The following RBFOX2 variants were observed in gnomAD, a reference collection of about 807,000 sequenced individuals.
The protein encoded by RBFOX2 is RNA binding protein fox-1 homolog 2.
Under a neutral mutation model 49.1 loss-of-function variants are expected in RBFOX2, and 10 were observed. The ratio of observed to expected loss-of-function variants is 0.20; its 90% CI spans 0.13 to 0.35. RBFOX2 has a LOEUF of 0.35. Ranked by LOEUF, RBFOX2 falls within the 10% of genes least tolerant of loss-of-function variation. The pLI is 1.00. For missense variants in RBFOX2, 323 were observed against 486.9 expected, an observed-to-expected ratio of 0.66 and a Z score of 3.17; for synonymous variants, 183 against 187.4, an observed-to-expected ratio of 0.98 and a Z score of 0.19.
chr22:35,753,718 A>G (rs1935817985), intron 9 of RBFOX2, among the ~76,000 whole-genome samples: 1 of 150,830 alleles, frequency 6.6e-6, no homozygotes, highest in African/African-American at 2.4e-5. Context: ...AGGAAGTAAG[A>G]TAACTATTAA....
intron 1 of RBFOX2, among the ~76,000 whole-genome samples, chr22:35,899,169 T>TAACATAACATAAC (rs1569472465): frequency 1.3e-5 from 2 of 149,834 alleles, no homozygotes; most frequent in African/African-American, 2.5e-5. Flanking sequence ...TAACATAACA[T>TAACATAACATAAC]AACATAACAA....
chr22:35,961,558 C>A (rs1450939721), intron 1 of RBFOX2: 1 of 1,304,160 alleles, frequency 7.7e-7, no homozygotes, highest in Non-Finnish European at 1.0e-6. Context: ...CAACTCCCCA[C>A]CAACCTCACA....
intron 1 of RBFOX2, among the ~76,000 whole-genome samples, chr22:35,857,985 G>A (rs891732249): frequency 3.3e-5 from 5 of 152,160 alleles, no homozygotes; most frequent in African/African-American, 7.2e-5. Flanking sequence ...ACAATGCCAA[G>A]TAGAAATCTA....
rs532902260 is a variant in RBFOX2 at position 35,822,656 on chromosome 22, T to G, written c.28-12652A>C. ...GTCACTGGCAGGCTTTGTGTTAGTGTAAGCCACTAGCAAAGTGCAGAATGC... is the reference window on the plus strand; with the variant it reads ...GTCACTGGCAGGCTTTGTGTTAGTGGAAGCCACTAGCAAAGTGCAGAATGC... On this transcript the variant is annotated intron_variant, in intron 1 of 11. Transcript: ENST00000405409. Among the ~76,000 whole-genome samples the G allele has an allele frequency of 6.6e-5, 10 of 152,310 alleles. No homozygotes were observed. The East Asian group carries it at 1.9e-3, about 29-fold the overall frequency.
intron 1 of RBFOX2, among the ~76,000 whole-genome samples, chr22:35,974,711 A>G (rs1409074377): frequency 1.3e-5 from 2 of 152,110 alleles, no homozygotes; most frequent in Admixed American, 6.6e-5. Context: ...CAACAACAAC[A>G]AAAACAGGCT....
At chr22:35,822,502 CGTACTG>C (rs1954742953) in intron 1 of RBFOX2, among the ~76,000 whole-genome samples, 1 of 152,144 alleles carries the variant, frequency 6.6e-6, no homozygotes, top group Admixed American at 6.5e-5. Context: ...ATGATCCTCA[CGTACTG>C]GTAACCCAGG....
intron 1 of RBFOX2, among the ~76,000 whole-genome samples, chr22:35,917,866 G>A (rs1432585118): frequency 6.6e-6 from 1 of 152,190 alleles, no homozygotes; most frequent in Non-Finnish European, 1.5e-5. Context: ...GGTCATGACA[G>A]TACATGTTCT....
intron 2 of RBFOX2, among the ~76,000 whole-genome samples, chr22:35,806,647 G>A (rs1410452407): frequency 6.6e-6 from 1 of 152,082 alleles, no homozygotes; most frequent in Non-Finnish European, 1.5e-5. Flanking sequence ...AGTAAAGAAG[G>A]AACAAAGGAA....
chr22:35,759,019 AG>A lies in RBFOX2; in HGVS notation c.887+868del, dbSNP rs2146265941. ...ATATTGACATTATCTGGCAGAGAAA[AG>A]GTGAAGAGAAATGTCACATCTTTGA... On this transcript the variant is annotated intron_variant, in intron 9 of 11. Transcript: ENST00000405409. This position sits in a 1 kb window ranked among gnomAD's most constrained non-coding sequence, Gnocchi z 4.6. 6.6e-6 allele frequency among the ~76,000 whole-genome samples: 1 copy of A among 152,306 alleles called. No individual in the cohort carries two copies. Among genetic ancestry groups the A allele is most frequent in the Admixed American group, 6.5e-5 (1 of 15,292 alleles).
chr22:35,920,135 T>C (rs774385773), intron 1 of RBFOX2, among the ~76,000 whole-genome samples: 2 of 152,244 alleles, frequency 1.3e-5, no homozygotes, highest in Non-Finnish European at 2.9e-5. Context: ...ATCAAAGCAT[T>C]TGGCCAAGTT....
chr22:35,897,314 C>A (rs775823038), intron 1 of RBFOX2: 19 of 1,491,086 alleles, frequency 1.3e-5, no homozygotes, highest in Non-Finnish European at 1.8e-5. Context: ...CAGCAGACAG[C>A]CAGCAGTAAG....
At chr22:35,748,368 C>T (rs944296221) in intron 9 of RBFOX2, 3 of 152,106 alleles carry the variant, frequency 2.0e-5, no homozygotes, top group Non-Finnish European at 2.9e-5. Context: ...CAGGAAGCAC[C>T]CTTGGGGGCC....
At chr22:35,981,865 C>T (rs1298872835) in intron 1 of RBFOX2, among the ~76,000 whole-genome samples, 2 of 152,108 alleles carry the variant, frequency 1.3e-5, no homozygotes, top group South Asian at 4.1e-4. Flanking sequence ...ACAGCCCACA[C>T]AGAATTCACT....
intron 1 of RBFOX2, among the ~76,000 whole-genome samples, chr22:35,876,900 A>G (rs2045185540): frequency 6.6e-6 from 1 of 152,234 alleles, no homozygotes; most frequent in Non-Finnish European, 1.5e-5. Context: ...GCAGAAAATT[A>G]CAAATAATGC....
At chr22:36,016,312 G>C (rs975864304) in intron 1 of RBFOX2, among the ~76,000 whole-genome samples, 18 of 151,988 alleles carry the variant, frequency 1.2e-4, no homozygotes, top group Non-Finnish European at 2.4e-4. Flanking sequence ...AGTCTCCCCA[G>C]GCCCTGTCTG....
chr22:36,006,230 A>T (rs1192755752), intron 1 of RBFOX2, among the ~76,000 whole-genome samples: 1 of 152,246 alleles, frequency 6.6e-6, no homozygotes, highest in African/African-American at 2.4e-5. Flanking sequence ...ATTCCATGCT[A>T]TGAAGAGCAA....
chr22:36,028,397 G>A (rs1433090144), exon 1 of RBFOX2: 1 of 1,257,370 alleles, frequency 8.0e-7, no homozygotes, highest in Non-Finnish European at 9.9e-7. Flanking sequence ...GAGCTGAGGC[G>A]GCTGATGCGG....
At chr22:36,006,955 C>G (rs916732278) in intron 1 of RBFOX2, among the ~76,000 whole-genome samples, 2 of 152,096 alleles carry the variant, frequency 1.3e-5, no homozygotes, top group Admixed American at 1.3e-4. Flanking sequence ...CTCCTAAGTC[C>G]ATTTGTTCAT....
rs3075271 is a variant in RBFOX2 at position 36,026,541 on chromosome 22, TACACACACACAC to T, written c.186+1687_186+1698del. 2.6e-4 allele frequency among the ~76,000 whole-genome samples: 35 copies of T among 136,646 alleles called. No individual in the cohort carries two copies. In the South Asian group the frequency reaches 7.6e-3, roughly 30 times the overall value. The allele number at this position is 136,646 out of a possible 152,430, so 89.6% of individuals were successfully genotyped here. A position where few individuals can be genotyped will look rare whatever the true frequency, so the allele number is the denominator to read the frequency against. ...TTGACAGAAATGATAAATGAATACA[TACACACACACAC>T]ACACACACACACACACACACCAAGT... On this transcript the variant is annotated intron_variant, in intron 1 of 13. Coordinates refer to the RBFOX2 transcript ENST00000438146.
Sources: gnomAD v4.1 joint callset for allele counts (sites outside exome capture counted in the v4.1 genomes callset) on GRCh38, gnomAD v4.1.1 for gene constraint, Gnocchi (gnomAD v3.1) non-coding constraint, MANE v1.5 for transcripts, NCBI Gene and HGNC (gene_info 2026-07-23, HGNC 2026-07-21) for gene names.